CC2D2A: variants seen among roughly 807,000 people sequenced by gnomAD.
CC2D2A encodes coiled-coil and C2 domain-containing protein 2A.
In CC2D2A, 155 loss-of-function variants were observed where a neutral mutation model predicts 212.9. That is an observed-to-expected ratio of 0.73 (90% CI 0.64 to 0.83). CC2D2A has a LOEUF of 0.83. Among genes scored for constraint, CC2D2A ranks in the 40% least tolerant of loss-of-function variants. The probability of loss-of-function intolerance (pLI) is 0.00; values close to 1 mark genes in which losing one functional copy is unlikely to be tolerated. For missense variants in CC2D2A, 1,856 were observed against 1,956.2 expected (o/e 0.95, Z 0.97); for synonymous variants, 667 against 686.5 (o/e 0.97, Z 0.44).
chr4:15,484,193 G>A (rs1577315235), intron 4 of CC2D2A, among the ~76,000 whole-genome samples: 3 of 152,200 alleles, frequency 2.0e-5, no homozygotes, highest in African/African-American at 7.2e-5. Context: ...AGAGGATGAG[G>A]TGCATTTATG....
intron 6 of CC2D2A, among the ~76,000 whole-genome samples, chr4:15,505,635 C>T (rs1015802010): frequency 1.3e-5 from 2 of 152,184 alleles, no homozygotes; most frequent in African/African-American, 2.4e-5. Flanking sequence ...CACCTCGTCC[C>T]AGCCTCAAAA....
chr4:15,594,746 G>GA (rs1721243539), intron 33 of CC2D2A, among the ~76,000 whole-genome samples: 2 of 152,156 alleles, frequency 1.3e-5, no homozygotes, highest in Admixed American at 1.3e-4. Flanking sequence ...TGGGGCTAAT[G>GA]ATACAATTTA....
chr4:15,487,803 T>TTTTTG (rs57141125), intron 4 of CC2D2A, among the ~76,000 whole-genome samples: 1 of 151,736 alleles, frequency 6.6e-6, no homozygotes, highest in Non-Finnish European at 1.5e-5. Flanking sequence ...TTTTTTTTTT[T>TTTTTG]GTACCTGTCA....
At chr4:15,475,703 G>A (rs1262256092) in intron 1 of CC2D2A, among the ~76,000 whole-genome samples, 2 of 152,128 alleles carry the variant, frequency 1.3e-5, no homozygotes, top group African/African-American at 4.8e-5. Context: ...GTAAAGGCAG[G>A]CTCCCAGGGA....
intron 4 of CC2D2A, among the ~76,000 whole-genome samples, chr4:15,488,343 G>C (rs1157279185): frequency 6.6e-6 from 1 of 152,122 alleles, no homozygotes; most frequent in African/African-American, 2.4e-5. Context: ...CTCTAAGTTG[G>C]AAGTTTTGTT....
chr4:15,497,202 T>G (rs1249669666), intron 4 of CC2D2A, among the ~76,000 whole-genome samples: 1 of 152,166 alleles, frequency 6.6e-6, no homozygotes, highest in Admixed American at 6.6e-5. Flanking sequence ...ATGGTACAGG[T>G]ACAAAAACAG....
At chr4:15,486,556 T>A (rs1715012408) in intron 4 of CC2D2A, among the ~76,000 whole-genome samples, 1 of 152,058 alleles carries the variant, frequency 6.6e-6, no homozygotes, top group South Asian at 2.1e-4. Context: ...CTCTTTTTCT[T>A]AATCTGGCTA....
In CC2D2A at chr4:15,583,599, T is replaced by C. The variant is rs190021013; in HGVS notation, c.3976-2558T>C. ...CCCATATACAATAGCTACAAAAATT[T>C]ATAAGATACCTAGGGATAAACTTAA... On this transcript the variant is annotated intron_variant, in intron 30 of 36. Coordinates refer to ENST00000424120, the MANE Select transcript of CC2D2A (RefSeq NM_001378615.1). Among the ~76,000 whole-genome samples, 371 of 152,240 alleles carry C rather than the reference T, an allele frequency of 2.4e-3. 1 individual carries two copies. Among genetic ancestry groups the C allele is most frequent in the African/African-American group, 8.4e-3 (348 of 41,548 alleles).
Position 15,538,089 on chromosome 4 carries a change from C to T in CC2D2A, c.1955C>T (p.Pro652Leu), listed in dbSNP as rs759126033. 9.4e-6 allele frequency: 15 copies of T among 1,604,020 alleles called. No individual in the cohort carries two copies. Among genetic ancestry groups the T allele is most frequent in the South Asian group, 5.6e-5 (5 of 89,000 alleles). ...RRRPWEPTLV[P>L]ELSLAGSVTP... ...AGGCCTTGGGAGCCCACGCTGGTCC[C>T]GGAGCTAAGCCTGGCAGGAAGCGTA... The change falls in exon 16 of 37, where the codon CCG (proline) becomes CTG (leucine). Residue 652 changes from proline to leucine, a missense_variant. Transcript: ENST00000424120.
intron 36 of CC2D2A, among the ~76,000 whole-genome samples, chr4:15,600,072 G>T (rs1028036517): frequency 1.3e-5 from 2 of 152,136 alleles, no homozygotes; most frequent in Non-Finnish European, 1.5e-5. Context: ...TGCTAAGAAA[G>T]GTGGTTATTA....
intron 16 of CC2D2A, 66 bp from the exon 17 acceptor site, chr4:15,540,771 A>G: frequency 7.1e-7 from 1 of 1,414,554 alleles, no homozygotes; most frequent in Non-Finnish European, 9.8e-7. Flanking sequence ...GTTCTTATTT[A>G]TCATATATTT....
In CC2D2A at chr4:15,567,461, T is replaced by G. The variant is rs989096775; in HGVS notation, c.3267T>G (p.Asn1089Lys). 1 of 1,613,446 alleles carries G rather than the reference T, an allele frequency of 6.2e-7. No individual in the cohort carries two copies. Among genetic ancestry groups the G allele is most frequent in the Non-Finnish European group, 8.5e-7 (1 of 1,179,676 alleles). Residue 1089 changes from asparagine to lysine, a missense_variant, in exon 25 of 37, where the codon AAT (asparagine) becomes AAG (lysine). Asn to Lys is a moderately conservative substitution (Grantham distance 94, BLOSUM62 0). Around this residue, in one of 5 missense-constraint regions of CC2D2A, gnomAD observed 1,512 missense variants for 1,579.3 expected, o/e 0.96. Coordinates refer to ENST00000424120, the MANE Select transcript of CC2D2A (RefSeq NM_001378615.1). ...CAAGCACGTACAGCCCAACCCACAA[T>G]GCTGACTACCCCCTCGGCCAGGTGA... is the stretch of plus-strand genomic sequence containing the variant. ...ASPSTYSPTH[N>K]ADYPLGQVLV...
chr4:15,570,279 GTCTA>G (rs1720095851), intron 27 of CC2D2A, 115 bp from the exon 28 acceptor site: 2 of 574,346 alleles, frequency 3.5e-6, no homozygotes, highest in Middle Eastern at 3.1e-4. Context: ...ATTTGATTAG[GTCTA>G]TCTAATATAA....
intron 4 of CC2D2A, among the ~76,000 whole-genome samples, chr4:15,489,887 A>C (rs764376267): frequency 5.9e-5 from 9 of 152,090 alleles, no homozygotes; most frequent in Admixed American, 5.9e-4. Flanking sequence ...CACTGGCTGT[A>C]CCTCTTTCTC....
intron 6 of CC2D2A, among the ~76,000 whole-genome samples, chr4:15,504,964 C>A (rs1262922667): frequency 6.6e-6 from 1 of 152,236 alleles, no homozygotes; most frequent in Non-Finnish European, 1.5e-5. Flanking sequence ...ACCTCACTCA[C>A]TAGTGATGTG....
rs529419654 is a variant in CC2D2A at position 15,563,161 on chromosome 4, G to GT, written c.3015-193dup. On this transcript the variant is annotated intron_variant, in intron 23 of 36. Coordinates refer to ENST00000424120, the MANE Select transcript of CC2D2A (RefSeq NM_001378615.1). ...CTTCCTTGGATAAGCAGCAGCTAGA[G>GT]TAAGTTTTAACAATCCATGCAGTAG... Among the ~76,000 whole-genome samples the GT allele has an allele frequency of 8.5e-5, 13 of 152,344 alleles. No individual in the cohort carries two copies. In the South Asian group the frequency reaches 1.7e-3, roughly 19 times the overall value.
intron 2 of CC2D2A, among the ~76,000 whole-genome samples, chr4:15,478,373 T>C (rs1008000943): frequency 6.6e-6 from 1 of 152,178 alleles, no homozygotes; most frequent in Non-Finnish European, 1.5e-5. Context: ...CTTTCTTAGA[T>C]TGTAACTTTT....
intron 35 of CC2D2A, among the ~76,000 whole-genome samples, chr4:15,598,142 C>T (rs1276589683): frequency 6.6e-6 from 1 of 152,050 alleles, no homozygotes; most frequent in African/African-American, 2.4e-5. Context: ...AATCTCCAAA[C>T]AACCTTTTTG....
intron 29 of CC2D2A, chr4:15,576,660 A>G (rs942355665): frequency 6.6e-6 from 1 of 152,648 alleles, no homozygotes; most frequent in Non-Finnish European, 1.5e-5. Context: ...TTATTGGTCA[A>G]TAGTTATTAG....
Sources: allele counts gnomAD v4.1 joint callset (sites outside exome capture counted in the v4.1 genomes callset), GRCh38; gene constraint gnomAD v4.1.1; regional missense constraint gnomAD v4.1.1; transcripts MANE v1.5; gene names NCBI Gene and HGNC (gene_info 2026-07-23, HGNC 2026-07-21).